Variants in WDR72 observed in about 807,000 individuals in gnomAD.
The protein encoded by WDR72 is WD repeat domain 72, also known as WD repeat-containing protein 72.
In WDR72, 120 loss-of-function variants were observed where a neutral mutation model predicts 124.2. That is an observed-to-expected ratio of 0.97 (90% CI 0.83 to 1.12). The LOEUF is 1.12. WDR72 is among the 50% of genes most tolerant of loss of function. The pLI is 0.00. For missense variants in WDR72, 1,387 were observed against 1,278.8 expected (o/e 1.08, Z -1.29); for synonymous variants, 452 against 441.7 (o/e 1.02, Z -0.29).
At chr15:53,603,950 C>T (rs372836988) in intron 17 of WDR72, among the ~76,000 whole-genome samples, 61 of 152,072 alleles carry the variant, frequency 4.0e-4, no homozygotes, top group African/African-American at 8.2e-4. Context: ...AAGCTATCAA[C>T]GTCATTTTTC....
intron 14 of WDR72, among the ~76,000 whole-genome samples, chr15:53,639,246 G>T (rs187958101): frequency 8.5e-4 from 129 of 151,964 alleles, no homozygotes; most frequent in African/African-American, 3.0e-3. Flanking sequence ...CTATGTGCTG[G>T]GTGATGTGCT....
chr15:53,622,738 C>G (rs2140379555), intron 14 of WDR72, among the ~76,000 whole-genome samples: 1 of 152,054 alleles, frequency 6.6e-6, no homozygotes, highest in African/African-American at 2.4e-5. Flanking sequence ...ACACGTTTAC[C>G]TATGTAACAA....
chr15:53,728,068 C>G (rs1042631020), intron 2 of WDR72, among the ~76,000 whole-genome samples: 9 of 152,086 alleles, frequency 5.9e-5, no homozygotes, highest in African/African-American at 2.2e-4. Flanking sequence ...GTTTTCACAC[C>G]GCTGATAAAG....
intron 18 of WDR72, among the ~76,000 whole-genome samples, chr15:53,585,594 G>A (rs1566970900): frequency 6.6e-6 from 1 of 152,032 alleles, no homozygotes; most frequent in Non-Finnish European, 1.5e-5. Context: ...TCTACCGTCT[G>A]TCTATTTCAG....
intron 18 of WDR72, among the ~76,000 whole-genome samples, chr15:53,593,464 T>C (rs575293983): frequency 1.2e-4 from 18 of 152,128 alleles, no homozygotes; most frequent in African/African-American, 4.3e-4. Context: ...CGGGGTAGTA[T>C]AGGAAGTATG....
At chr15:53,661,117 T>G (rs1382580916) in intron 14 of WDR72, among the ~76,000 whole-genome samples, 3 of 152,162 alleles carry the variant, frequency 2.0e-5, no homozygotes, top group African/African-American at 7.2e-5. Flanking sequence ...TAAAGCAGAG[T>G]TGAGTACCCA....
At chr15:53,556,723 C>A (rs1304249622) in intron 18 of WDR72, among the ~76,000 whole-genome samples, 4 of 152,090 alleles carry the variant, frequency 2.6e-5, no homozygotes, top group Admixed American at 2.6e-4. Flanking sequence ...GCATGCTCAT[C>A]AAGTCATCTA....
At chr15:53,702,049 TG>T in intron 12 of WDR72, 84 bp downstream of exon 12, 1 of 983,340 alleles carries the variant, frequency 1.0e-6, no homozygotes, top group South Asian at 1.7e-5. Context: ...TTTGGAAATA[TG>T]GGTCATTTTT....
intron 14 of WDR72, among the ~76,000 whole-genome samples, chr15:53,631,963 C>G (rs1566994218): frequency 6.6e-6 from 1 of 152,154 alleles, no homozygotes. Flanking sequence ...GGAAAATCTG[C>G]AGCCCAGCCA....
chr15:53,636,146 G>T (rs1323576959), intron 14 of WDR72, among the ~76,000 whole-genome samples: 2 of 152,080 alleles, frequency 1.3e-5, no homozygotes, highest in Admixed American at 6.5e-5. Context: ...AAATGCAGTG[G>T]TACATATTTC....
At position 53,629,890 on chromosome 15, in the gene WDR72, A is replaced by G. The variant is rs757604570; in HGVS notation, c.1963-13647T>C. On this transcript the variant is annotated intron_variant, in intron 14 of 19. Transcript: ENST00000360509. ...AATCCGCATCCCCACAAAATTGGCA[A>G]TATTTCACCTGCCTCCCAGCTCCCT... 4.6e-5 allele frequency among the ~76,000 whole-genome samples: 7 copies of G among 152,166 alleles called. No homozygotes were observed. In the South Asian group the frequency reaches 1.2e-3, roughly 27 times the overall value.
chr15:53,682,735 T>A (rs1229219410), intron 13 of WDR72, among the ~76,000 whole-genome samples: 1 of 152,194 alleles, frequency 6.6e-6, no homozygotes, highest in African/African-American at 2.4e-5. Context: ...CAACATATAC[T>A]TCCTGTCTTC....
In WDR72 at chr15:53,516,115, TATCA is replaced by T. The variant is rs1374734889; in HGVS notation, c.*1580_*1583del. On this transcript the variant is annotated 3_prime_UTR_variant, in exon 20 of 20. Coordinates refer to ENST00000360509, the MANE Select transcript of WDR72 (RefSeq NM_182758.4). Reference sequence around the variant, plus strand: ...GTTTCTAAAGGAGGGGGAATATATTTATCAATCAGTTTTCAAAGGATAATAATTT... The same window carrying T: ...GTTTCTAAAGGAGGGGGAATATATTTATCAGTTTTCAAAGGATAATAATTT... The T allele has an allele frequency of 6.6e-6, 1 of 152,132 alleles. No homozygotes were observed. Among genetic ancestry groups the T allele is most frequent in the East Asian group, 1.9e-4 (1 of 5,186 alleles). 9.4% of individuals were successfully genotyped at this position (152,132 alleles called of 1,614,324 possible). A position where few individuals can be genotyped will look rare whatever the true frequency, so the allele number is the denominator to read the frequency against.
At chr15:53,657,945 AG>A (rs1209846488) in intron 14 of WDR72, among the ~76,000 whole-genome samples, 1 of 152,226 alleles carries the variant, frequency 6.6e-6, no homozygotes, top group East Asian at 1.9e-4. Context: ...AGAGTTGATT[AG>A]TAATAGGAAG....
Position 53,709,455 on chromosome 15 carries a change from T to C in WDR72, c.954+1402A>G, listed in dbSNP as rs112791800. On this transcript the variant is annotated intron_variant, in intron 9 of 19. Coordinates refer to ENST00000360509, the MANE Select transcript of WDR72 (RefSeq NM_182758.4). ...TCCCATGAGATTAGTTATTTTTTAA[T>C]TGTTGTATTCTTTCCTCATGGTTAT... 2.3e-3 allele frequency among the ~76,000 whole-genome samples: 343 copies of C among 152,344 alleles called. 2 individuals are homozygous for C. The highest frequency in any genetic ancestry group is 7.8e-3 in the African/African-American group (324 of 41,580).
At chr15:53,664,941 A>G (rs1213094961) in intron 14 of WDR72, among the ~76,000 whole-genome samples, 1 of 152,194 alleles carries the variant, frequency 6.6e-6, no homozygotes, top group Non-Finnish European at 1.5e-5. Flanking sequence ...TGTTGAGGGG[A>G]TAATTTGGAG....
chr15:53,599,831 T>C (rs1404049546), intron 17 of WDR72, among the ~76,000 whole-genome samples: 1 of 152,212 alleles, frequency 6.6e-6, no homozygotes, highest in Non-Finnish European at 1.5e-5. Flanking sequence ...TTTCTAATTA[T>C]TTGATTTACA....
chr15:53,640,132 GGT>G lies in WDR72; in HGVS notation c.1963-23891_1963-23890del, dbSNP rs1424958171. Among the ~76,000 whole-genome samples, 3 of 152,262 alleles carry G rather than the reference GGT, an allele frequency of 2.0e-5. No individual in the cohort carries two copies. The East Asian group carries it at 5.8e-4, about 29-fold the overall frequency. On this transcript the variant is annotated intron_variant, in intron 14 of 19. Coordinates refer to ENST00000360509, the MANE Select transcript of WDR72 (RefSeq NM_182758.4). ...ATGGTAACATGGGATATAGCCTTTG[GGT>G]GTGAGTCCTGCACATTTCAGTTAGC...
chr15:53,715,145 T>A (rs2017667125), intron 5 of WDR72, 48 bp downstream of exon 5: 2 of 1,584,958 alleles, frequency 1.3e-6, no homozygotes, highest in South Asian at 1.1e-5. Flanking sequence ...CAAAAGTAGA[T>A]ATTTTTATAT....
Sources: allele counts gnomAD v4.1 joint callset (sites outside exome capture counted in the v4.1 genomes callset), GRCh38; gene constraint gnomAD v4.1.1; transcripts MANE v1.5; gene names NCBI Gene and HGNC (gene_info 2026-07-23, HGNC 2026-07-21).